The following SLCO1B3 variants were observed in gnomAD, a reference collection of about 807,000 sequenced individuals.
The protein encoded by SLCO1B3 is solute carrier organic anion transporter family member 1B3.
A neutral mutation model predicts 71.8 loss-of-function variants in SLCO1B3; 72 were observed. The ratio of observed to expected loss-of-function variants is 1.00; its 90% CI spans 0.83 to 1.22. The LOEUF is 1.22. SLCO1B3 is among the 50% of genes most tolerant of loss of function. The pLI, the probability that SLCO1B3 is intolerant of heterozygous loss-of-function variation, is 0.00. For missense variants in SLCO1B3, 911 were observed against 819.7 expected (o/e 1.11, Z -1.36); for synonymous variants, 298 against 278.4 (o/e 1.07, Z -0.70).
At chr12:20,887,236 G>A (rs1338870321) in intron 13 of SLCO1B3, among the ~76,000 whole-genome samples, 1 of 152,018 alleles carries the variant, frequency 6.6e-6, no homozygotes, top group Non-Finnish European at 1.5e-5. Flanking sequence ...TAGACACCCT[G>A]TGGTGGGATT....
chr12:20,820,639 T>C (rs909808996), intron 3 of SLCO1B3, among the ~76,000 whole-genome samples: 1 of 152,176 alleles, frequency 6.6e-6, no homozygotes, highest in African/African-American at 2.4e-5. Flanking sequence ...AGTCCTGTTA[T>C]GGGGTTTGAG....
chr12:20,850,546 C>T (rs944987829), intron 3 of SLCO1B3, among the ~76,000 whole-genome samples: 7 of 152,030 alleles, frequency 4.6e-5, no homozygotes, highest in African/African-American at 9.7e-5. Flanking sequence ...CCTCCCAAAG[C>T]GCTGGGAATA....
chr12:20,861,241 A>G lies in SLCO1B3; in HGVS notation c.481+103A>G, dbSNP rs567991431. 4 of 1,056,644 alleles carry G rather than the reference A, an allele frequency of 3.8e-6. No individual in the cohort carries two copies. The African/African-American group carries it at 6.4e-5, about 17-fold the overall frequency. The allele number at this position is 1,056,644 out of a possible 1,614,324, so 65.5% of individuals were successfully genotyped here. On this transcript the variant is annotated intron_variant, in intron 6 of 15. Transcript: ENST00000381545. ...TAACAAAATTGATTTAAGAACAAAT[A>G]GGAAGAACATTTATCCCTTACATAC... is the stretch of plus-strand genomic sequence containing the variant.
At chr12:20,902,702 G>A (rs766106608) in intron 15 of SLCO1B3, among the ~76,000 whole-genome samples, 3 of 152,052 alleles carry the variant, frequency 2.0e-5, no homozygotes, top group Non-Finnish European at 4.4e-5. Context: ...ACAGCAAGGG[G>A]TAAATTAGAA....
chr12:20,855,224 C>G, intron 4 of SLCO1B3, 55 bp downstream of exon 4: 1 of 1,446,480 alleles, frequency 6.9e-7, no homozygotes, highest in South Asian at 1.2e-5. Flanking sequence ...GAAAAACAAA[C>G]TGTTCATGCA....
intron 3 of SLCO1B3, among the ~76,000 whole-genome samples, chr12:20,816,135 T>G (rs1864187748): frequency 6.6e-6 from 1 of 152,180 alleles, no homozygotes. Context: ...GGTACAGGCA[T>G]GCAATGTGAA....
chr12:20,828,750 C>A (rs1403695148), intron 3 of SLCO1B3, among the ~76,000 whole-genome samples: 1 of 151,828 alleles, frequency 6.6e-6, no homozygotes, highest in Non-Finnish European at 1.5e-5. Context: ...ATTTCATTAC[C>A]ATATTTTAGC....
intron 3 of SLCO1B3, chr12:20,845,305 TCAACAA>T (rs1864893333): frequency 5.9e-5 from 13 of 221,250 alleles, no homozygotes; most frequent in Non-Finnish European, 9.8e-5. Context: ...TTGACCCTGA[TCAACAA>T]TGAGTAGAAA....
chr12:20,824,396 A>C (rs536840002), intron 3 of SLCO1B3, among the ~76,000 whole-genome samples: 3 of 152,184 alleles, frequency 2.0e-5, no homozygotes, highest in Non-Finnish European at 2.9e-5. Context: ...CAATGATGCT[A>C]TATCTAAATT....
At chr12:20,907,018 TAAA>T (rs904148104) in intron 15 of SLCO1B3, among the ~76,000 whole-genome samples, 1 of 152,000 alleles carries the variant, frequency 6.6e-6, no homozygotes. Context: ...TCTGAGTTCT[TAAA>T]AAAAGGAAAA....
chr12:20,857,492 T>A (rs1025493546), intron 4 of SLCO1B3, among the ~76,000 whole-genome samples: 8 of 152,018 alleles, frequency 5.3e-5, no homozygotes, highest in Admixed American at 5.2e-4. Context: ...TGTGATGTCA[T>A]CTTTTATATC....
At chr12:20,915,363 C>A (rs1001634669) in intron 15 of SLCO1B3, among the ~76,000 whole-genome samples, 2 of 152,122 alleles carry the variant, frequency 1.3e-5, no homozygotes, top group Non-Finnish European at 2.9e-5. Context: ...AAATTGCTAA[C>A]CTTTCTTACA....
At chr12:20,839,936 T>C (rs1170929240) in intron 3 of SLCO1B3, among the ~76,000 whole-genome samples, 1 of 152,198 alleles carries the variant, frequency 6.6e-6, no homozygotes, top group Admixed American at 6.5e-5. Context: ...GTATGCCAAG[T>C]ATACTAATAT....
intron 8 of SLCO1B3, among the ~76,000 whole-genome samples, chr12:20,867,922 C>G (rs889672281): frequency 2.4e-4 from 37 of 152,226 alleles, no homozygotes; most frequent in African/African-American, 8.4e-4. Flanking sequence ...TCTGCCTCTA[C>G]TACCCTAGAG....
At chr12:20,812,629 A>G (rs1021141933) in intron 1 of SLCO1B3, among the ~76,000 whole-genome samples, 1 of 152,200 alleles carries the variant, frequency 6.6e-6, no homozygotes, top group African/African-American at 2.4e-5. Context: ...AAGACCCTCA[A>G]ATAGGAAGTG....
At chr12:20,895,705 G>T (rs939749908) in intron 13 of SLCO1B3, among the ~76,000 whole-genome samples, 1 of 152,156 alleles carries the variant, frequency 6.6e-6, no homozygotes, top group Non-Finnish European at 1.5e-5. Flanking sequence ...CAGCTTCTGG[G>T]ATCTGGAGGA....
intron 12 of SLCO1B3, among the ~76,000 whole-genome samples, chr12:20,882,191 C>G (rs971541002): frequency 2.6e-5 from 4 of 152,094 alleles, no homozygotes; most frequent in African/African-American, 9.7e-5. Context: ...GAGACATCAT[C>G]TTAATATTGG....
At chr12:20,885,861 A>C (rs371139719) in intron 13 of SLCO1B3, among the ~76,000 whole-genome samples, 2 of 152,180 alleles carry the variant, frequency 1.3e-5, no homozygotes, top group East Asian at 3.9e-4. Flanking sequence ...GGGTTTAAGC[A>C]TTAGTATTAC....
At chr12:20,875,768 G>A (rs1299406994) in intron 9 of SLCO1B3, among the ~76,000 whole-genome samples, 1 of 151,984 alleles carries the variant, frequency 6.6e-6, no homozygotes, top group Admixed American at 6.6e-5. Context: ...ATATAATATA[G>A]TATAAACTGT....
Sources: allele counts gnomAD v4.1 joint callset (sites outside exome capture counted in the v4.1 genomes callset), GRCh38; gene constraint gnomAD v4.1.1; transcripts MANE v1.5; gene names NCBI Gene and HGNC (gene_info 2026-07-23, HGNC 2026-07-21).